The following LRRC3C variants were observed in gnomAD, a reference collection of about 807,000 sequenced individuals.
The protein encoded by LRRC3C is leucine-rich repeat-containing protein 3C.
A neutral mutation model predicts 14.8 loss-of-function variants in LRRC3C; 11 were observed. The observed-to-expected ratio is 0.74, with a 90% CI of 0.47 to 1.23. The LOEUF is 1.23. LRRC3C is among the 50% of genes most tolerant of loss of function. The pLI, the probability that LRRC3C is intolerant of heterozygous loss-of-function variation, is 0.00. For missense variants in LRRC3C, 354 were observed against 361.8 expected (o/e 0.98, Z 0.18); for synonymous variants, 149 against 161.5 (o/e 0.92, Z 0.59).
intron 3 of LRRC3C, 35 bp from the exon 4 acceptor site, chr17:39,943,898 C>T (rs1450287985): frequency 1.3e-6 from 2 of 1,527,416 alleles, no homozygotes; most frequent in Admixed American, 2.0e-5. Context: ...ATTCTCTTGA[C>T]TCACTCCTCC....
At chr17:39,939,723 C>G (rs1271043587) in intron 2 of LRRC3C, 1 of 152,208 alleles carries the variant, frequency 6.6e-6, no homozygotes, top group Non-Finnish European at 1.5e-5. Context: ...TTCTGCAGCC[C>G]CTAGTGGGCA....
chr17:39,933,370 T>C (rs1206199958), intron 1 of LRRC3C, among the ~76,000 whole-genome samples: 1 of 151,832 alleles, frequency 6.6e-6, no homozygotes, highest in African/African-American at 2.4e-5. Context: ...CTGAGATAGG[T>C]TGATAAACAA....
chr17:39,943,415 C>T (rs1466631899), intron 3 of LRRC3C, among the ~76,000 whole-genome samples: 5 of 152,088 alleles, frequency 3.3e-5, no homozygotes, highest in Admixed American at 2.6e-4. Flanking sequence ...GGTAGATGGG[C>T]ATAGAAGGTG....
intron 1 of LRRC3C, among the ~76,000 whole-genome samples, chr17:39,932,920 C>T (rs945067607): frequency 1.3e-5 from 2 of 152,006 alleles, no homozygotes; most frequent in South Asian, 2.1e-4. Flanking sequence ...GGCATGGTGG[C>T]GCGCCCCTGT....
intron 3 of LRRC3C, among the ~76,000 whole-genome samples, chr17:39,942,969 G>A (rs953765918): frequency 1.3e-5 from 2 of 152,206 alleles, no homozygotes; most frequent in African/African-American, 4.8e-5. Context: ...TTCAGCCTTG[G>A]GGAGTGAGGG....
rs1020812595 is a variant in LRRC3C, at chr17:39,944,227, G to T, written c.321G>T (p.Glu107Asp). Residue 107 changes from glutamate to aspartate, a missense_variant, in exon 4 of 4, where the codon GAG becomes GAT. Glu to Asp is a conservative substitution (Grantham distance 45). Coordinates refer to ENST00000377924, the MANE Select transcript of LRRC3C (RefSeq NM_001195545.2). ...TCCAGCACCTGCCTGTCCTGGAGGA[G>T]TTGGATCTGTCCCATAATGCCCTTG... is the stretch of plus-strand genomic sequence containing the variant. ...GAFQHLPVLE[E>D]LDLSHNALAH... The T allele has an allele frequency of 3.3e-6, 5 of 1,535,700 alleles. No individual in the cohort carries two copies. Among genetic ancestry groups the T allele is most frequent in the Non-Finnish European group, 3.5e-6 (4 of 1,146,798 alleles).
At chr17:39,937,094 G>A (rs1213061856) in intron 2 of LRRC3C, among the ~76,000 whole-genome samples, 1 of 150,966 alleles carries the variant, frequency 6.6e-6, no homozygotes, top group Non-Finnish European at 1.5e-5. Context: ...CCGAGATCAA[G>A]CCACTGCACT....
chr17:39,936,462 C>T (rs1340924907), intron 2 of LRRC3C, among the ~76,000 whole-genome samples: 1 of 152,068 alleles, frequency 6.6e-6, no homozygotes, highest in African/African-American at 2.4e-5. Flanking sequence ...CCAATACATC[C>T]CCGACACAAC....
intron 3 of LRRC3C, 111 bp from the exon 4 acceptor site, chr17:39,943,822 A>G (rs913393299): frequency 3.8e-5 from 37 of 979,418 alleles, no homozygotes; most frequent in Non-Finnish European, 4.9e-5. Flanking sequence ...CCCAGAGAAG[A>G]GGCCCCAGCC....
intron 1 of LRRC3C, among the ~76,000 whole-genome samples, chr17:39,930,073 G>A (rs1172709803): frequency 6.6e-6 from 1 of 151,710 alleles, no homozygotes; most frequent in Non-Finnish European, 1.5e-5. Flanking sequence ...GTGTCCAGGA[G>A]TTCGAGACCA....
At position 39,944,867 on chromosome 17, in the gene LRRC3C, C is replaced by T. The variant is rs1435993490; in HGVS notation, c.*133C>T. On this transcript the variant is annotated 3_prime_UTR_variant, in exon 4 of 4. Coordinates refer to ENST00000377924, the MANE Select transcript of LRRC3C (RefSeq NM_001195545.2). ...CATCCCACCCCTCCCTCCTTTATTC[C>T]CCCTAAATACCTGTGCTGGTTCTCT... The T allele has an allele frequency of 1.4e-6, 1 of 713,264 alleles. No individual in the cohort carries two copies. Among genetic ancestry groups the T allele is most frequent in the African/African-American group, 1.8e-5 (1 of 55,878 alleles). The allele number at this position is 713,264 out of a possible 1,614,324, so 44.2% of individuals were successfully genotyped here.
Position 39,944,361 on chromosome 17 carries a change from A to C in LRRC3C, c.455A>C (p.Gln152Pro). 1.3e-6 allele frequency: 2 copies of C among 1,533,872 alleles called. No individual in the cohort carries two copies. Among genetic ancestry groups the C allele is most frequent in the Non-Finnish European group, 1.7e-6 (2 of 1,146,000 alleles). The change falls in exon 4 of 4, where the codon CAG becomes CCG. Residue 152 changes from glutamine to proline, a missense_variant. Physicochemically the swap from Gln to Pro is moderately conservative, Grantham distance 76. Coordinates refer to ENST00000377924, the MANE Select transcript of LRRC3C (RefSeq NM_001195545.2). ...SVPVEAFVGL[Q>P]IQVNLSANPW... ...CCCGTGGAGGCCTTTGTGGGGCTACAGATCCAAGTGAACCTATCCGCAAAC... is the reference window on the plus strand; with the variant it reads ...CCCGTGGAGGCCTTTGTGGGGCTACCGATCCAAGTGAACCTATCCGCAAAC...
chr17:39,927,949 A>C, intron 1 of LRRC3C, 135 bp downstream of exon 1: 1 of 849,418 alleles, frequency 1.2e-6, no homozygotes, highest in Non-Finnish European at 1.4e-6. Context: ...CTGGATCGAA[A>C]CCCAAATATT....
At chr17:39,933,701 C>G (rs1274556423) in intron 1 of LRRC3C, among the ~76,000 whole-genome samples, 1 of 152,104 alleles carries the variant, frequency 6.6e-6, no homozygotes, top group Non-Finnish European at 1.5e-5. Flanking sequence ...CCACAGCACT[C>G]CAGCCTGGGC....
At chr17:39,927,890 A>T in intron 1 of LRRC3C, 76 bp downstream of exon 1, 5 of 983,238 alleles carry the variant, frequency 5.1e-6, no homozygotes, top group Non-Finnish European at 6.0e-6. Context: ...GCAGATGAGG[A>T]GACTCGGACT....
intron 1 of LRRC3C, among the ~76,000 whole-genome samples, chr17:39,932,774 G>A (rs949385200): frequency 6.6e-6 from 1 of 151,684 alleles, no homozygotes; most frequent in East Asian, 1.9e-4. Context: ...AACAACAACC[G>A]GGCATGGTGG....
In LRRC3C at chr17:39,941,471, A is replaced by G; in HGVS notation, c.-53A>G. On this transcript the variant is annotated 5_prime_UTR_variant, in exon 3 of 4. Coordinates refer to ENST00000377924, the MANE Select transcript of LRRC3C (RefSeq NM_001195545.2). ...TACAATTCCGTGTCCAGTCCTGGTC[A>G]CCCATAGTCTTCCAAAATCCAGCAA... 1 of 1,474,156 alleles carries G rather than the reference A, an allele frequency of 6.8e-7. No individual in the cohort carries two copies. Among genetic ancestry groups the G allele is most frequent in the African/African-American group, 1.4e-5 (1 of 71,472 alleles). 91.3% of individuals were successfully genotyped at this position (1,474,156 alleles called of 1,614,324 possible).
rs1198983597 is a variant in LRRC3C at position 39,943,956 on chromosome 17, G to A, written c.50G>A (p.Cys17Tyr). ...SFVSYCTPGL[C>Y]QFMAMLPTAG... ...AGATCCTACTGCACTCCAGGACTAT[G>A]CCAATTTATGGCCATGCTCCCAACA... is the stretch of plus-strand genomic sequence containing the variant. The change falls in exon 4 of 4, where the codon TGC (cysteine) becomes TAC (tyrosine). Residue 17 changes from cysteine to tyrosine, a missense_variant. Transcript: ENST00000377924. 9.1e-6 allele frequency: 14 copies of A among 1,536,086 alleles called. No individual in the cohort carries two copies. Among genetic ancestry groups the A allele is most frequent in the African/African-American group, 1.4e-5 (1 of 73,142 alleles).
intron 1 of LRRC3C, among the ~76,000 whole-genome samples, chr17:39,928,113 AG>A (rs998650990): frequency 1.3e-5 from 2 of 152,154 alleles, no homozygotes; most frequent in Admixed American, 6.5e-5. Flanking sequence ...GAGGGTCTGG[AG>A]GGCCCGGAAC....
Sources: gnomAD v4.1 joint callset for allele counts (sites outside exome capture counted in the v4.1 genomes callset) on GRCh38, gnomAD v4.1.1 for gene constraint, MANE v1.5 for transcripts, NCBI Gene and HGNC (gene_info 2026-07-23, HGNC 2026-07-21) for gene names.